The following MDN1 variants were observed in gnomAD, a reference collection of about 807,000 sequenced individuals.
MDN1 encodes the protein midasin.
A neutral mutation model predicts 669.2 loss-of-function variants in MDN1; 266 were observed. The ratio of observed to expected loss-of-function variants is 0.40; its 90% confidence interval spans 0.36 to 0.44. The LOEUF (loss-of-function observed/expected upper bound fraction) is 0.44. Among genes scored for constraint, MDN1 ranks in the 20% least tolerant of loss-of-function variants. MDN1 has a pLI of 1.00. For synonymous variants in MDN1, 2,385 were observed against 2,457.1 expected, an observed-to-expected ratio of 0.97 and a Z score of 0.87; for missense variants, 5,940 against 6,754.0, an observed-to-expected ratio of 0.88 and a Z score of 4.22.
At chr6:89,680,136 A>G (rs1811499140) in intron 74 of MDN1, among the ~76,000 whole-genome samples, 1 of 152,182 alleles carries the variant, frequency 6.6e-6, no homozygotes, top group Admixed American at 6.5e-5. Context: ...TTACACTATG[A>G]GATCTTCGCT....
Position 89,712,709 on chromosome 6 carries a change from C to T in MDN1, c.7296G>A (p.Met2432Ile). The change falls in exon 48 of 102, where the codon ATG becomes ATA. Residue 2432 changes from methionine to isoleucine, a missense_variant. Coordinates refer to ENST00000369393, the MANE Select transcript of MDN1 (RefSeq NM_014611.3). ...HETWGDSILGMGLWPDSVPSA... is the reference protein window; with the variant it reads ...HETWGDSILGIGLWPDSVPSA... Reference sequence around the variant, plus strand: ...AGGGCACAGAATCTGGCCACAGTCCCATGCCAAGAATGGAGTCTCCCCAGG... The same window carrying T: ...AGGGCACAGAATCTGGCCACAGTCCTATGCCAAGAATGGAGTCTCCCCAGG... 1 of 1,614,130 alleles carries T rather than the reference C, an allele frequency of 6.2e-7. No homozygotes were observed. The highest frequency in any genetic ancestry group is 8.5e-7 in the Non-Finnish European group (1 of 1,180,008).
rs149181191 is a variant in MDN1, at chr6:89,801,965, G to GA, written c.329+1362dup. 4.3e-3 allele frequency among the ~76,000 whole-genome samples: 567 copies of GA among 132,222 alleles called. 3 individuals are homozygous for GA. Among genetic ancestry groups the GA allele is most frequent in the Middle Eastern group, 0.023 (6 of 264 alleles). 86.7% of individuals were successfully genotyped at this position (132,222 alleles called of 152,430 possible). A position where few individuals can be genotyped will look rare whatever the true frequency, so the allele number is the denominator to read the frequency against. ...CAACAGAGTGAGACTGCTTCAAAAA[G>GA]AAAAAAAAAAAAGAAAATAATCAAC... On this transcript the variant is annotated intron_variant, in intron 2 of 101. Transcript: ENST00000369393.
At chr6:89,796,305 CA>C (rs1197299097) in intron 2 of MDN1, among the ~76,000 whole-genome samples, 1 of 77,422 alleles carries the variant, frequency 1.3e-5, no homozygotes, top group African/African-American at 5.7e-5. Context: ...GCCTGGGCGA[CA>C]AGAGCAAAAC....
chr6:89,675,786 C>G (rs1221947323), intron 77 of MDN1: 4 of 569,048 alleles, frequency 7.0e-6, no homozygotes, highest in Middle Eastern at 9.0e-4. Flanking sequence ...CTCCAAAATG[C>G]ATTTATTAGT....
At chr6:89,678,842 C>T in intron 74 of MDN1, 97 bp from the exon 75 acceptor site, 1 of 1,292,426 alleles carries the variant, frequency 7.7e-7, no homozygotes. Context: ...TTCTGGAGAA[C>T]AAAGGCCAAG....
At position 89,743,111 on chromosome 6, in the gene MDN1, A is replaced by G. The variant is rs200102385; in HGVS notation, c.4448+39T>C. On this transcript the variant is annotated intron_variant, in intron 31 of 101. Coordinates refer to ENST00000369393, the MANE Select transcript of MDN1 (RefSeq NM_014611.3). Reference sequence around the variant, plus strand: ...GGAGAAAAAAAAAAATCACACCAACAAAAATATCAAACACAAGGCAAACCT... The same window carrying G: ...GGAGAAAAAAAAAAATCACACCAACGAAAATATCAAACACAAGGCAAACCT... 2.7e-5 allele frequency: 43 copies of G among 1,599,268 alleles called. No homozygotes were observed. In the East Asian group the frequency reaches 9.6e-4, roughly 36 times the overall value.
chr6:89,758,952 T>C lies in MDN1; in HGVS notation c.2469A>G (p.Leu823=), dbSNP rs1817397267. The C allele has an allele frequency of 1.9e-6, 3 of 1,613,118 alleles. No individual in the cohort carries two copies. In the Admixed American group the frequency reaches 5.0e-5, roughly 27 times the overall value. ...ACTCTCCTTTCTTTACAGCCTGAGC[T>C]AATGTACCCTAGAAAAAGATAAAAT... ...TLLFAFVEGT[L]AQAVKKGEWI... The change falls in exon 18 of 102, where the codon TTA becomes TTG. Residue 823 remains leucine, a synonymous_variant. Coordinates refer to ENST00000369393, the MANE Select transcript of MDN1 (RefSeq NM_014611.3).
intron 8 of MDN1, 99 bp downstream of exon 8, chr6:89,787,755 A>C (rs1158589585): frequency 2.5e-6 from 2 of 794,190 alleles, no homozygotes; most frequent in African/African-American, 3.5e-5. Flanking sequence ...CCTTGCTTGA[A>C]GTAGACCCAG....
At chr6:89,663,818 T>C (rs1809984543) in intron 85 of MDN1, among the ~76,000 whole-genome samples, 1 of 151,054 alleles carries the variant, frequency 6.6e-6, no homozygotes, top group Admixed American at 6.6e-5. Context: ...GGCAGGCGCC[T>C]GTAGTCCCAG....
At chr6:89,713,672 G>A (rs1814110873) in intron 46 of MDN1, among the ~76,000 whole-genome samples, 1 of 152,138 alleles carries the variant, frequency 6.6e-6, no homozygotes, top group Non-Finnish European at 1.5e-5. Flanking sequence ...AATTCCAGCT[G>A]TTATTATTAA....
Position 89,696,429 on chromosome 6 carries a change from G to A in MDN1, c.9314C>T (p.Thr3105Ile), listed in dbSNP as rs769869836. The A allele has an allele frequency of 6.2e-6, 10 of 1,614,058 alleles. No individual in the cohort carries two copies. The Admixed American group carries it at 6.7e-5, about 11-fold the overall frequency. ...CGAACTGATGTCCTGGAGCTGCTGA[G>A]TTCTCTCAACCCACTCTCCTAGGGT... The part of the protein sequence containing the change: ...HVTLGEWVER[T>I]QQLQDISSML... The change falls in exon 60 of 102, where the codon ACT becomes ATT. Residue 3105 changes from threonine to isoleucine, a missense_variant. By Grantham distance (89) the Thr-to-Ile change is moderately conservative (BLOSUM62 -1). Transcript: ENST00000369393.
chr6:89,678,596 T>A lies in MDN1; in HGVS notation c.12412+3A>T. The A allele has an allele frequency of 1.2e-6, 2 of 1,613,450 alleles. No individual in the cohort carries two copies. Among genetic ancestry groups the A allele is most frequent in the Non-Finnish European group, 1.7e-6 (2 of 1,179,742 alleles). ...TTCATTGGGTTTCAAGTGAGAACCTTACCAATTTTTGCAAGGTGTTTAAAG... is the reference window on the plus strand; with the variant it reads ...TTCATTGGGTTTCAAGTGAGAACCTAACCAATTTTTGCAAGGTGTTTAAAG... On this transcript the variant is annotated splice_donor_region_variant and intron_variant, in intron 75 of 101. Transcript: ENST00000369393.
At chr6:89,794,018 G>A in intron 4 of MDN1, 64 bp from the exon 5 acceptor site, 1 of 1,439,308 alleles carries the variant, frequency 6.9e-7, no homozygotes, top group South Asian at 1.2e-5. Flanking sequence ...AAGACCTGCA[G>A]TCACCTCTGG....
In MDN1 at chr6:89,793,769, C is replaced by T. The variant is rs754715555; in HGVS notation, c.848G>A (p.Gly283Glu). Residue 283 changes from glycine to glutamate, a missense_variant, in exon 5 of 102, where the codon GGA becomes GAA. This residue lies in a region of MDN1 where 1,203 missense variants were observed against 1,268.9 expected (regional missense o/e 0.95). Coordinates refer to ENST00000369393, the MANE Select transcript of MDN1 (RefSeq NM_014611.3). The part of the protein sequence containing the change: ...VVLPGQLPAP[G>E]ELGGNRSSSR... ...CTACTGATACCAACATACCAGCTCT[C>T]CAGGGGCTGGCAGCTGCCCAGGCAG... 21 of 1,613,516 alleles carry T rather than the reference C, an allele frequency of 1.3e-5. No individual in the cohort carries two copies. Among genetic ancestry groups the T allele is most frequent in the Non-Finnish European group, 1.8e-5 (21 of 1,179,696 alleles).
At chr6:89,700,432 C>T (rs1263393198) in intron 56 of MDN1, 138 bp from the exon 57 acceptor site, 1 of 782,116 alleles carries the variant, frequency 1.3e-6, no homozygotes. Context: ...CTTTGAGATT[C>T]TCATCTGTGA....
chr6:89,787,976 A>G lies in MDN1; in HGVS notation c.1231-19T>C, dbSNP rs576325770. 35 of 1,566,210 alleles carry G rather than the reference A, an allele frequency of 2.2e-5. 1 individual carries two copies. The South Asian group carries it at 3.8e-4, about 17-fold the overall frequency. On this transcript the variant is annotated intron_variant, in intron 7 of 101. Transcript: ENST00000369393. The stretch of plus-strand genomic sequence containing the variant: ...CAGAAACCTAAATCAGATAACAACA[A>G]CCGCACTGATAAAGTAAAGCTATTA...
At chr6:89,675,430 A>G (rs1207208718) in intron 78 of MDN1, 34 bp downstream of exon 78, 2 of 1,577,446 alleles carry the variant, frequency 1.3e-6, no homozygotes, top group Non-Finnish European at 1.7e-6. Flanking sequence ...ATTCTTCCCA[A>G]TTCATGCCAC....
intron 1 of MDN1, 44 bp downstream of exon 1, chr6:89,819,462 C>T (rs878862851): frequency 6.5e-7 from 1 of 1,549,726 alleles, no homozygotes; most frequent in Non-Finnish European, 8.8e-7. Flanking sequence ...ACTAGTGGGG[C>T]GACCCAGTCG....
chr6:89,769,677 T>C (rs1817983415), intron 15 of MDN1, among the ~76,000 whole-genome samples: 1 of 152,220 alleles, frequency 6.6e-6, no homozygotes, highest in African/African-American at 2.4e-5. Context: ...AAAACAGATA[T>C]ATTCTATTCA....
Sources: allele counts gnomAD v4.1 joint callset (sites outside exome capture counted in the v4.1 genomes callset), GRCh38; gene constraint gnomAD v4.1.1; regional missense constraint gnomAD v4.1.1; transcripts MANE v1.5; gene names NCBI Gene and HGNC (gene_info 2026-07-23, HGNC 2026-07-21).